The following SORCS3 variants were observed in gnomAD, a reference collection of about 807,000 sequenced individuals.
SORCS3 encodes VPS10 domain-containing receptor SorCS3.
Under a neutral mutation model 146.3 loss-of-function variants are expected in SORCS3, and 57 were observed. The observed-to-expected ratio is 0.39, with a 90% CI of 0.31 to 0.49. The LOEUF is 0.49. SORCS3 is among the 20% of genes least tolerant of loss of function. SORCS3 has a pLI of 0.92. For synonymous variants in SORCS3, 653 were observed against 618.5 expected (o/e 1.06, Z -0.83); for missense variants, 1,341 against 1,575.5 (o/e 0.85, Z 2.52).
intron 5 of SORCS3, among the ~76,000 whole-genome samples, chr10:105,056,878 C>G (rs2055449327): frequency 6.6e-6 from 1 of 152,124 alleles, no homozygotes; most frequent in Admixed American, 6.5e-5. Context: ...AAGTTTTGTA[C>G]ACATGAAAAT....
intron 7 of SORCS3, among the ~76,000 whole-genome samples, chr10:105,127,087 A>T (rs796616474): frequency 2.0e-5 from 3 of 152,162 alleles, no homozygotes; most frequent in Admixed American, 2.0e-4. Flanking sequence ...GCCGGTATCC[A>T]TAATGAGATT....
intron 16 of SORCS3, among the ~76,000 whole-genome samples, chr10:105,202,083 G>A (rs150950439): frequency 1.6e-3 from 244 of 152,172 alleles, no homozygotes; most frequent in African/African-American, 5.7e-3. Flanking sequence ...TCAGCTGTTT[G>A]TATCACTCCA....
chr10:105,089,900 C>A (rs2055690168), intron 6 of SORCS3, 61 bp downstream of exon 6: 1 of 1,346,280 alleles, frequency 7.4e-7, no homozygotes, highest in Non-Finnish European at 1.1e-6. Flanking sequence ...TCTGTCCTCC[C>A]CCAATTTGCA....
chr10:105,188,788 G>A (rs1234340271), intron 14 of SORCS3, among the ~76,000 whole-genome samples: 1 of 152,184 alleles, frequency 6.6e-6, no homozygotes, highest in Non-Finnish European at 1.5e-5. Flanking sequence ...TTTTAGAACT[G>A]TTTTCCAGGT....
intron 6 of SORCS3, among the ~76,000 whole-genome samples, chr10:105,093,203 G>T (rs569996029): frequency 6.6e-6 from 1 of 152,114 alleles, no homozygotes; most frequent in East Asian, 1.9e-4. Flanking sequence ...AGTAATCTGG[G>T]GGAAAATTAA....
chr10:105,261,522 C>T (rs1207038032), intron 25 of SORCS3, among the ~76,000 whole-genome samples: 1 of 152,146 alleles, frequency 6.6e-6, no homozygotes, highest in Non-Finnish European at 1.5e-5. Flanking sequence ...CTGGGTGATG[C>T]TTAAGCCTGT....
At position 104,922,583 on chromosome 10, in the gene SORCS3, C is replaced by T. The variant is rs541311275; in HGVS notation, c.795+6651C>T. Among the ~76,000 whole-genome samples, 446 of 152,226 alleles carry T rather than the reference C, an allele frequency of 2.9e-3. 2 individuals carry two copies. The highest frequency in any genetic ancestry group is 0.019 in the South Asian group (90 of 4,818). On this transcript the variant is annotated intron_variant, in intron 3 of 26. Transcript: ENST00000369701. ...ACTGTTGTCATGTGAAAATGAGGGCCCAGCATAGCCAGTTATTGTTAACAT... is the reference window on the plus strand; with the variant it reads ...ACTGTTGTCATGTGAAAATGAGGGCTCAGCATAGCCAGTTATTGTTAACAT...
At chr10:105,248,351 A>C (rs2056879430) in intron 22 of SORCS3, among the ~76,000 whole-genome samples, 2 of 152,208 alleles carry the variant, frequency 1.3e-5, no homozygotes. Context: ...CTCTTGGAAC[A>C]TCTTTGGAGA....
chr10:104,796,966 C>T (rs2017563657), intron 1 of SORCS3, among the ~76,000 whole-genome samples: 1 of 152,214 alleles, frequency 6.6e-6, no homozygotes, highest in African/African-American at 2.4e-5. Flanking sequence ...ATGGATGGCC[C>T]TTGCCTGTCA....
chr10:104,842,789 C>A lies in SORCS3; in HGVS notation c.628-3C>A. Reference sequence around the variant, plus strand: ...CTTTGCCCTTATCCCCAACCCCTTGCAGGTCATACTTATCCTGACGAAGCT... The same window carrying A: ...CTTTGCCCTTATCCCCAACCCCTTGAAGGTCATACTTATCCTGACGAAGCT... On this transcript the variant is annotated splice_region_variant and splice_polypyrimidine_tract_variant and intron_variant, in intron 1 of 26. Transcript: ENST00000369701. 1.2e-6 allele frequency: 2 copies of A among 1,613,272 alleles called. No individual in the cohort carries two copies. Among genetic ancestry groups the A allele is most frequent in the Non-Finnish European group, 1.7e-6 (2 of 1,179,268 alleles).
intron 2 of SORCS3, among the ~76,000 whole-genome samples, chr10:104,887,971 G>GAGGTGC (rs1554857309): frequency 1.2e-5 from 1 of 83,034 alleles, no homozygotes; most frequent in African/African-American, 5.5e-5. Flanking sequence ...GGGGGGCGGG[G>GAGGTGC]GCGGAGCAAG....
intron 7 of SORCS3, among the ~76,000 whole-genome samples, chr10:105,109,583 T>C (rs2055845685): frequency 6.6e-6 from 1 of 152,142 alleles, no homozygotes; most frequent in Non-Finnish European, 1.5e-5. Context: ...TTTTTATATT[T>C]TAATATCATT....
intron 25 of SORCS3, among the ~76,000 whole-genome samples, chr10:105,261,407 A>G (rs1336298903): frequency 6.6e-6 from 1 of 152,168 alleles, no homozygotes; most frequent in Non-Finnish European, 1.5e-5. Context: ...TGGGTCTCCA[A>G]CTGATGAACA....
intron 1 of SORCS3, among the ~76,000 whole-genome samples, chr10:104,804,353 G>C (rs189929538): frequency 5.3e-5 from 8 of 152,316 alleles, no homozygotes; most frequent in Admixed American, 5.2e-4. Context: ...ATGAATTGTA[G>C]AGAGCATGAA....
intron 2 of SORCS3, among the ~76,000 whole-genome samples, chr10:104,891,936 A>G (rs1018983104): frequency 1.3e-5 from 2 of 152,208 alleles, no homozygotes; most frequent in Non-Finnish European, 2.9e-5. Context: ...TTAAATCACA[A>G]AGAGAATGAA....
chr10:105,198,013 A>G (rs957117206), intron 14 of SORCS3, among the ~76,000 whole-genome samples: 1 of 152,172 alleles, frequency 6.6e-6, no homozygotes, highest in Non-Finnish European at 1.5e-5. Flanking sequence ...TTCATTAGGT[A>G]CTGTTCAGCC....
chr10:104,792,486 A>G (rs1419345067), intron 1 of SORCS3, among the ~76,000 whole-genome samples: 1 of 152,172 alleles, frequency 6.6e-6, no homozygotes, highest in Admixed American at 6.5e-5. Flanking sequence ...TTGTAAGACC[A>G]TTTGGTCCTT....
At chr10:104,809,342 G>T (rs185032089) in intron 1 of SORCS3, among the ~76,000 whole-genome samples, 122 of 152,292 alleles carry the variant, frequency 8.0e-4, no homozygotes, top group Admixed American at 6.9e-3. Context: ...TGCTCCTGGG[G>T]GTTGGCTGGC....
intron 1 of SORCS3, among the ~76,000 whole-genome samples, chr10:104,821,082 T>A (rs1280034360): frequency 1.3e-5 from 2 of 152,216 alleles, no homozygotes; most frequent in Non-Finnish European, 2.9e-5. Context: ...TAGATTTTCT[T>A]AGTATTTGTA....
Sources: gnomAD v4.1 joint callset for allele counts (sites outside exome capture counted in the v4.1 genomes callset) on GRCh38, gnomAD v4.1.1 for gene constraint, MANE v1.5 for transcripts, NCBI Gene and HGNC (gene_info 2026-07-23, HGNC 2026-07-21) for gene names.